The following SPPL2B variants were observed in gnomAD, a reference collection of about 807,000 sequenced individuals.
SPPL2B encodes signal peptide peptidase like 2B.
SPPL2B carries 39 observed loss-of-function variants against 59.7 expected under a neutral mutation model. The observed-to-expected ratio is 0.65, with a 90% CI of 0.51 to 0.85. SPPL2B has a LOEUF of 0.85. Ranked by LOEUF, SPPL2B falls within the 40% of genes least tolerant of loss-of-function variation. The pLI, the probability that SPPL2B is intolerant of heterozygous loss-of-function variation, is 0.00. For missense variants in SPPL2B, 865 were observed against 849.0 expected (o/e 1.02, Z -0.23); for synonymous variants, 419 against 370.8 (o/e 1.13, Z -1.49).
Position 2,348,721 on chromosome 19 carries a change from C to T in SPPL2B, c.1355-2713C>T, listed in dbSNP as rs201389595. Among the ~76,000 whole-genome samples, 14 of 139,378 alleles carry T rather than the reference C, an allele frequency of 1.0e-4. No homozygotes were observed. In the East Asian group the frequency reaches 1.2e-3, roughly 12 times the overall value. 91.4% of individuals were successfully genotyped at this position (139,378 alleles called of 152,430 possible). ...TCCGTTCTCTCTCCACACACACTCACGCTCTCATTCGCTTGATTCCGTTCT... is the reference window on the plus strand; with the variant it reads ...TCCGTTCTCTCTCCACACACACTCATGCTCTCATTCGCTTGATTCCGTTCT... On this transcript the variant is annotated intron_variant, in intron 13 of 14. Coordinates refer to ENST00000613503, the MANE Select transcript of SPPL2B (RefSeq NM_152988.3).
chr19:2,340,158 C>T lies in SPPL2B; in HGVS notation c.825C>T (p.Pro275=), dbSNP rs1968940727. ...TGGCGCCCTGTGTGCGGCGGCTGCCCTTCGGCAAGTGCAGGTGAGTCTGCC... is the reference window on the plus strand; with the variant it reads ...TGGCGCCCTGTGTGCGGCGGCTGCCTTTCGGCAAGTGCAGGTGAGTCTGCC... ...SCLAPCVRRL[P]FGKCRIPNNS... Residue 275 remains proline (P), a synonymous_variant, in exon 7 of 15, where the codon CCC becomes CCT. Transcript: ENST00000613503. 4 of 1,572,704 alleles carry T rather than the reference C, an allele frequency of 2.5e-6. No individual in the cohort carries two copies. The highest frequency in any genetic ancestry group is 1.7e-4 in the Middle Eastern group (1 of 5,940).
At position 2,343,306 on chromosome 19, in the gene SPPL2B, G is replaced by A. The variant is rs1203624865; in HGVS notation, c.1038+14G>A. ...CCCACCTTCAAGGTGAGTGCAGGGA[G>A]GGCACGGCTGCGGGGCAGCATGGGT... On this transcript the variant is annotated intron_variant, in intron 9 of 14. Coordinates refer to ENST00000613503, the MANE Select transcript of SPPL2B (RefSeq NM_152988.3). The A allele has an allele frequency of 1.9e-5, 30 of 1,549,588 alleles. No homozygotes were observed. The highest frequency in any genetic ancestry group is 3.9e-5 in the Admixed American group (2 of 51,080).
Position 2,343,963 on chromosome 19 carries a change from A to G in SPPL2B, c.1039-2A>G. The G allele has an allele frequency of 6.5e-7, 1 of 1,547,752 alleles. No individual in the cohort carries two copies. Among genetic ancestry groups the G allele is most frequent in the Non-Finnish European group, 8.7e-7 (1 of 1,146,330 alleles). On this transcript the variant is annotated splice_acceptor_variant, in intron 9 of 14. Transcript: ENST00000613503. LOFTEE classifies it high-confidence loss of function. The stretch of plus-strand genomic sequence containing the variant: ...GGCCGCCCTCAGCCGTGGGCTTCGC[A>G]GGCCTGCACGCTGCTGCTGCTGGTG...
At chr19:2,337,201 G>C (rs2145153100) in intron 2 of SPPL2B, 1 of 424,140 alleles carries the variant, frequency 2.4e-6, no homozygotes, top group African/African-American at 2.0e-5. Context: ...TCAGGTATCA[G>C]GGGACAGCCA....
Position 2,351,541 on chromosome 19 carries a change from G to A in SPPL2B, c.1462G>A (p.Val488Met), listed in dbSNP as rs762860771. The A allele has an allele frequency of 1.2e-5, 19 of 1,611,232 alleles. No homozygotes were observed. The highest frequency in any genetic ancestry group is 3.3e-5 in the Admixed American group (2 of 59,988). ...VPCTLVTSCA[V>M]ALWRRELGVF... ...CTGCACGCTGGTGACGAGCTGCGCT[G>A]TGGCGCTCTGGCGCCGGGAGCTGGG... is the stretch of plus-strand genomic sequence containing the variant. Residue 488 changes from valine to methionine, a missense_variant, in exon 14 of 15, where the codon GTG becomes ATG. Physicochemically the swap from Val to Met is conservative, Grantham distance 21. Coordinates refer to ENST00000613503, the MANE Select transcript of SPPL2B (RefSeq NM_152988.3).
intron 7 of SPPL2B, chr19:2,340,438 C>G (rs1477492890): frequency 1.6e-6 from 1 of 633,540 alleles, no homozygotes. Flanking sequence ...GCAGGCCGAA[C>G]CCTGGGTTCC....
At chr19:2,349,843 T>A (rs1392480392) in intron 13 of SPPL2B, among the ~76,000 whole-genome samples, 8 of 127,280 alleles carry the variant, frequency 6.3e-5, no homozygotes, top group Non-Finnish European at 1.1e-4. Flanking sequence ...CCACACACAC[T>A]CACGCTCTCA....
intron 2 of SPPL2B, among the ~76,000 whole-genome samples, chr19:2,335,335 A>ACTGCATCATTCAGGCCCCGCCTCC (rs1568430153): frequency 0.13 from 3,127 of 24,480 alleles, 1,283 homozygotes; most frequent in South Asian, 0.25. Context: ...GCCCCGCCTC[A>ACTGCATCATTCAGGCCCCGCCTCC]TTTCCCACTG....
chr19:2,351,473 C>A lies in SPPL2B; in HGVS notation c.1394C>A (p.Ala465Asp). 6.2e-7 allele frequency: 1 copy of A among 1,609,804 alleles called. No homozygotes were observed. The change falls in exon 14 of 15, where the codon GCC becomes GAC. Residue 465 changes from alanine to aspartate, a missense_variant. Physicochemically the swap from Ala to Asp is moderately radical, Grantham distance 126 (BLOSUM62 -2). Transcript: ENST00000613503. ...CTCCTTGTGACATTCGTGGCACTGG[C>A]CCTGATGCAGCGTGGCCAGCCCGCT... is the stretch of plus-strand genomic sequence containing the variant. ...VGLLVTFVAL[A>D]LMQRGQPALL... is the part of the protein sequence containing the mutation.
rs1448709695 is a variant in SPPL2B, at chr19:2,334,719, G to T, written c.184G>T (p.Ala62Ser). The stretch of plus-strand genomic sequence containing the variant: ...CCATCTTCCGCACGACCTCAGCAAG[G>T]CAGTGAGTACCCGCTGGCCGGGCGC... ...WAHLPHDLSK[A>S]SFLQLRNWTA... Residue 62 changes from alanine (A) to serine (S), a missense_variant and splice_region_variant, in exon 2 of 15, where the codon GCA becomes TCA. Ala to Ser is a moderately conservative substitution (Grantham distance 99). Transcript: ENST00000613503. 15 of 1,600,310 alleles carry T rather than the reference G, an allele frequency of 9.4e-6. No homozygotes were observed. Among genetic ancestry groups the T allele is most frequent in the Non-Finnish European group, 1.3e-5 (15 of 1,173,050 alleles).
At chr19:2,341,083 C>A in intron 8 of SPPL2B, 69 bp downstream of exon 8, 1 of 1,124,574 alleles carries the variant, frequency 8.9e-7, no homozygotes, top group South Asian at 1.3e-5. Flanking sequence ...TCCTGGGGCC[C>A]TGACTCCCTG....
chr19:2,348,142 T>G, intron 13 of SPPL2B, among the ~76,000 whole-genome samples: 1 of 77,022 alleles, frequency 1.3e-5, no homozygotes, highest in Non-Finnish European at 2.3e-5. Flanking sequence ...CACGCTCTCA[T>G]TCGCTTGATT....
At chr19:2,344,302 C>T (rs1969238236) in intron 10 of SPPL2B, 60 bp from the exon 11 acceptor site, 1 of 756,730 alleles carries the variant, frequency 1.3e-6, no homozygotes, top group East Asian at 3.1e-5. Context: ...CCCCATCACC[C>T]CACTCCCCTG....
intron 14 of SPPL2B, among the ~76,000 whole-genome samples, chr19:2,352,731 C>T (rs1013255435): frequency 7.9e-5 from 12 of 152,304 alleles, no homozygotes; most frequent in African/African-American, 2.6e-4. Context: ...CTGCTGGCCT[C>T]GGATGGCCCT....
At chr19:2,345,225 G>C (rs754057448) in intron 12 of SPPL2B, 28 bp from the exon 13 acceptor site, 1 of 1,608,498 alleles carries the variant, frequency 6.2e-7, no homozygotes, top group African/African-American at 1.3e-5. Context: ...GCGGGCCCGA[G>C]TAAGCCTCCG....
At chr19:2,329,964 C>T (rs1968193849) in intron 1 of SPPL2B, among the ~76,000 whole-genome samples, 1 of 152,036 alleles carries the variant, frequency 6.6e-6, no homozygotes, top group Non-Finnish European at 1.5e-5. Context: ...TCTGTCAGCC[C>T]CCTTTGGACT....
chr19:2,340,419 C>T, intron 7 of SPPL2B: 1 of 636,364 alleles, frequency 1.6e-6, no homozygotes, highest in Admixed American at 2.6e-5. Context: ...AGGAACCCTG[C>T]CCCAGGTCGC....
chr19:2,338,708 AC>A (rs1424343289), intron 3 of SPPL2B, 43 bp from the exon 4 acceptor site: 41 of 1,379,526 alleles, frequency 3.0e-5, no homozygotes, highest in Non-Finnish European at 3.6e-5. Context: ...GGGCCCACCC[AC>A]TGCTGCGGGT....
intron 1 of SPPL2B, among the ~76,000 whole-genome samples, chr19:2,333,585 G>A (rs1195630340): frequency 6.6e-6 from 1 of 152,234 alleles, no homozygotes; most frequent in Non-Finnish European, 1.5e-5. Context: ...CCTGGGAGGC[G>A]TCCAGGGCTT....
Sources: allele counts gnomAD v4.1 joint callset (sites outside exome capture counted in the v4.1 genomes callset), GRCh38; gene constraint gnomAD v4.1.1; transcripts MANE v1.5; gene names NCBI Gene and HGNC (gene_info 2026-07-23, HGNC 2026-07-21).